The following ZNF79 variants were observed in gnomAD, a reference collection of about 807,000 sequenced individuals.
The protein encoded by ZNF79 is ZNFpT7.
ZNF79 carries 13 observed loss-of-function variants against 14.9 expected under a neutral mutation model. That is an observed-to-expected ratio of 0.87 (90% CI 0.57 to 1.38). The LOEUF (loss-of-function observed/expected upper bound fraction) is 1.38. Ranked by LOEUF, ZNF79 falls within the 40% of genes most tolerant of loss-of-function variation. The pLI, the probability that ZNF79 is intolerant of heterozygous loss-of-function variation, is 0.00. For synonymous variants in ZNF79, 223 were observed against 235.1 expected (o/e 0.95, Z 0.47); for missense variants, 631 against 630.6 (o/e 1.00, Z -0.01).
chr9:127,424,501 T>G lies in ZNF79; in HGVS notation c.-287T>G. Reference sequence around the variant, plus strand: ...TTGCCAGTTGCCAGTTGCCAGTCGTTTTTCGGAAAGCTGGCAGCGGCTTTT... The same window carrying G: ...TTGCCAGTTGCCAGTTGCCAGTCGTGTTTCGGAAAGCTGGCAGCGGCTTTT... On this transcript the variant is annotated 5_prime_UTR_variant, in exon 1 of 5. Coordinates refer to ENST00000342483, the MANE Select transcript of ZNF79 (RefSeq NM_007135.3). 3.8e-5 allele frequency: 15 copies of G among 390,378 alleles called. No homozygotes were observed. Among genetic ancestry groups the G allele is most frequent in the East Asian group, 8.4e-5 (2 of 23,682 alleles). The allele number at this position is 390,378 out of a possible 1,614,324, so 24.2% of individuals were successfully genotyped here. A position where few individuals can be genotyped will look rare whatever the true frequency, so the allele number is the denominator to read the frequency against.
intron 2 of ZNF79, among the ~76,000 whole-genome samples, chr9:127,431,158 T>C (rs1833852355): frequency 6.6e-6 from 1 of 152,186 alleles, no homozygotes; most frequent in African/African-American, 2.4e-5. Flanking sequence ...AAGTTCCTTA[T>C]AGATTCTGGA....
chr9:127,430,728 C>T (rs538403754), intron 2 of ZNF79, among the ~76,000 whole-genome samples: 18 of 152,304 alleles, frequency 1.2e-4, no homozygotes, highest in Middle Eastern at 3.4e-3. Flanking sequence ...AACAGCACAA[C>T]GAGGAACAAG....
At chr9:127,435,776 TA>T (rs1358637926) in intron 3 of ZNF79, 131 bp from the exon 4 acceptor site, 2 of 733,762 alleles carry the variant, frequency 2.7e-6, no homozygotes, top group African/African-American at 1.7e-5. Flanking sequence ...AGGCACTAAG[TA>T]AGAGCTCAAT....
At chr9:127,429,773 A>C (rs1376916424) in intron 2 of ZNF79, among the ~76,000 whole-genome samples, 2 of 151,828 alleles carry the variant, frequency 1.3e-5, no homozygotes, top group Admixed American at 1.3e-4. Context: ...ATGGCACCTA[A>C]CATTTTGATT....
chr9:127,444,289 G>C lies in ZNF79; in HGVS notation c.589G>C (p.Glu197Gln). Residue 197 changes from glutamate (E) to glutamine (Q), a missense_variant, in exon 5 of 5, where the codon GAA becomes CAA. Glu to Gln is a conservative substitution (Grantham distance 29). Coordinates refer to ENST00000342483, the MANE Select transcript of ZNF79 (RefSeq NM_007135.3). ...PHRAKPYACN[E>Q]CGKAFSYCSS... ...CAGAGCAAAACCATATGCATGTAATGAATGTGGCAAAGCCTTCAGTTACTG... is the reference window on the plus strand; with the variant it reads ...CAGAGCAAAACCATATGCATGTAATCAATGTGGCAAAGCCTTCAGTTACTG... 1 of 1,614,168 alleles carries C rather than the reference G, an allele frequency of 6.2e-7. No individual in the cohort carries two copies. Among genetic ancestry groups the C allele is most frequent in the Non-Finnish European group, 8.5e-7 (1 of 1,180,044 alleles).
At chr9:127,437,060 TAAAAAAAAA>T (rs769977106) in intron 4 of ZNF79, among the ~76,000 whole-genome samples, 2 of 123,800 alleles carry the variant, frequency 1.6e-5, no homozygotes, top group African/African-American at 3.0e-5. Context: ...AACTCTGTCT[TAAAAAAAAA>T]AAAAAAAAAA....
At chr9:127,438,629 G>A (rs77124417) in intron 4 of ZNF79, among the ~76,000 whole-genome samples, 3,321 of 152,224 alleles carry the variant, frequency 0.022, 143 homozygotes, top group African/African-American at 0.076. Flanking sequence ...CTGTCCGTGC[G>A]GATTCTTCCT....
At chr9:127,425,221 A>G (rs1833730028) in intron 1 of ZNF79, among the ~76,000 whole-genome samples, 1 of 152,180 alleles carries the variant, frequency 6.6e-6, no homozygotes, top group Admixed American at 6.5e-5. Context: ...CCAGCCCAGT[A>G]GGATTGTGAA....
chr9:127,445,017 C>G lies in ZNF79; in HGVS notation c.1317C>G (p.His439Gln), dbSNP rs769774302. The G allele has an allele frequency of 6.2e-7, 1 of 1,614,226 alleles. No homozygotes were observed. Among genetic ancestry groups the G allele is most frequent in the Non-Finnish European group, 8.5e-7 (1 of 1,180,044 alleles). ...CCCTCATTCGGCATCATATAATCCA[C>G]ACCGGAGAAAAACCTTATGAGTGTA... ...SSALIRHHIIHTGEKPYECNE... is the reference protein window; with the variant it reads ...SSALIRHHIIQTGEKPYECNE... Residue 439 changes from histidine (H) to glutamine (Q), a missense_variant, in exon 5 of 5, where the codon CAC (histidine) becomes CAG (glutamine). His to Gln is a conservative substitution (Grantham distance 24, BLOSUM62 0). Coordinates refer to ENST00000342483, the MANE Select transcript of ZNF79 (RefSeq NM_007135.3).
intron 1 of ZNF79, among the ~76,000 whole-genome samples, chr9:127,425,450 CTT>C (rs1387411347): frequency 6.6e-6 from 1 of 152,208 alleles, no homozygotes; most frequent in African/African-American, 2.4e-5. Flanking sequence ...CAGGCAACCT[CTT>C]TTAAGTCTTA....
rs1210183871 is a variant in ZNF79 at position 127,444,015 on chromosome 9, CA to C, written c.329-13del. The C allele has an allele frequency of 3.9e-6, 6 of 1,532,328 alleles. No homozygotes were observed. In the African/African-American group the frequency reaches 4.4e-5, roughly 11 times the overall value. 94.9% of individuals were successfully genotyped at this position (1,532,328 alleles called of 1,614,324 possible). On this transcript the variant is annotated splice_polypyrimidine_tract_variant and intron_variant, in intron 4 of 4. Coordinates refer to ENST00000342483, the MANE Select transcript of ZNF79 (RefSeq NM_007135.3). ...CCACCAAGGGAACACAACAGCTTTT[CA>C]TTTTTTTTTCAGGCTGGAAGATTAT... is the stretch of plus-strand genomic sequence containing the variant.
intron 3 of ZNF79, 29 bp from the exon 4 acceptor site, chr9:127,435,879 T>A (rs564502090): frequency 6.2e-7 from 1 of 1,603,464 alleles, no homozygotes; most frequent in African/African-American, 1.3e-5. Context: ...ACTTACAATT[T>A]CTAAAGCCTG....
intron 4 of ZNF79, among the ~76,000 whole-genome samples, chr9:127,441,806 G>A (rs191380830): frequency 9.2e-5 from 14 of 152,204 alleles, no homozygotes; most frequent in East Asian, 1.9e-4. Flanking sequence ...TTAGCCGGGC[G>A]TGGTGGCGGG....
At position 127,445,233 on chromosome 9, in the gene ZNF79, A is replaced by T. The variant is rs753829842; in HGVS notation, c.*36A>T. 3 of 1,599,258 alleles carry T rather than the reference A, an allele frequency of 1.9e-6. No homozygotes were observed. The highest frequency in any genetic ancestry group is 8.5e-7 in the Non-Finnish European group (1 of 1,170,858). ...GGTAGAAGTGGAGAGAGTCCCGGAC[A>T]TGCCGACTCAGGACAGGTGGGTGAG... On this transcript the variant is annotated 3_prime_UTR_variant, in exon 5 of 5. Transcript: ENST00000342483.
chr9:127,426,779 G>T (rs1448048704), intron 1 of ZNF79, among the ~76,000 whole-genome samples: 3 of 152,088 alleles, frequency 2.0e-5, no homozygotes, highest in East Asian at 1.9e-4. Flanking sequence ...GTGAATTTTT[G>T]TGTGTGTGTA....
rs1833714772 is a variant in ZNF79, at chr9:127,424,592, C to T, written c.-196C>T. ...GACTCGGGAGACGGAGTGGAACACC[C>T]GGCTGGGCAGGCCCGGACAGCTCCC... On this transcript the variant is annotated 5_prime_UTR_variant, in exon 1 of 5. Coordinates refer to ENST00000342483, the MANE Select transcript of ZNF79 (RefSeq NM_007135.3). 2 of 649,432 alleles carry T rather than the reference C, an allele frequency of 3.1e-6. No homozygotes were observed. The highest frequency in any genetic ancestry group is 2.9e-5 in the East Asian group (1 of 34,676). 40.2% of individuals were successfully genotyped at this position (649,432 alleles called of 1,614,324 possible).
At chr9:127,428,958 T>TC (rs747405113) in intron 2 of ZNF79, 38 bp downstream of exon 2, 1 of 1,406,822 alleles carries the variant, frequency 7.1e-7, no homozygotes, top group Non-Finnish European at 9.8e-7. Flanking sequence ...ATCCTTTTCT[T>TC]CCCCCCTAAT....
chr9:127,444,242 A>G lies in ZNF79; in HGVS notation c.542A>G (p.Asn181Ser), dbSNP rs1207686561. ...GAGACACACACCGAGAGCTTCAAGA[A>G]CTCGGAAATCCTGAAACCTCACAGA... ...KCETHTESFK[N>S]SEILKPHRAK... The change falls in exon 5 of 5, where the codon AAC becomes AGC. Residue 181 changes from asparagine to serine, a missense_variant. Coordinates refer to ENST00000342483, the MANE Select transcript of ZNF79 (RefSeq NM_007135.3). 1.9e-6 allele frequency: 3 copies of G among 1,614,052 alleles called. No individual in the cohort carries two copies. The African/African-American group carries it at 4.0e-5, about 22-fold the overall frequency.
intron 4 of ZNF79, among the ~76,000 whole-genome samples, chr9:127,437,823 A>G (rs1833976869): frequency 6.6e-6 from 1 of 151,894 alleles, no homozygotes; most frequent in Non-Finnish European, 1.5e-5. Context: ...ACCCCAATCC[A>G]GTGTGGCCTC....
Sources: gnomAD v4.1 joint callset for allele counts (sites outside exome capture counted in the v4.1 genomes callset) on GRCh38, gnomAD v4.1.1 for gene constraint, MANE v1.5 for transcripts, NCBI Gene and HGNC (gene_info 2026-07-23, HGNC 2026-07-21) for gene names.